The following HIPK1 variants were observed in gnomAD, a reference collection of about 807,000 sequenced individuals.
The protein encoded by HIPK1 is homeodomain-interacting protein kinase 1.
In HIPK1, 28 loss-of-function variants were observed where a neutral mutation model predicts 117.1. That is an observed-to-expected ratio of 0.24 (90% CI 0.18 to 0.33). The LOEUF (loss-of-function observed/expected upper bound fraction) is 0.33. HIPK1 is among the 10% of genes least tolerant of loss of function. The probability of loss-of-function intolerance (pLI) is 1.00; values close to 1 mark genes in which losing one functional copy is unlikely to be tolerated. For synonymous variants in HIPK1, 605 were observed against 562.5 expected (o/e 1.08, Z -1.07); for missense variants, 1,122 against 1,475.1 (o/e 0.76, Z 3.92).
At position 113,977,341 on chromosome 1, in the gene HIPK1, C is replaced by G. The variant is rs1673189975; in HGVS notation, c.*3829C>G. 6.6e-6 allele frequency: 1 copy of G among 152,604 alleles called. No individual in the cohort carries two copies. The highest frequency in any genetic ancestry group is 2.1e-4 in the South Asian group (1 of 4,830). The allele number at this position is 152,604 out of a possible 1,614,324, so 9.5% of individuals were successfully genotyped here. On this transcript the variant is annotated 3_prime_UTR_variant, in exon 16 of 16. Transcript: ENST00000426820. ...CAATTCAGCTTGAAAAATAATCTCA[C>G]TACATGTAGCAGTACATTATATGTA...
At chr1:113,934,126 G>A (rs1340541833) in intron 1 of HIPK1, among the ~76,000 whole-genome samples, 1 of 152,168 alleles carries the variant, frequency 6.6e-6, no homozygotes, top group Admixed American at 6.5e-5. Flanking sequence ...GCTGGAGCAA[G>A]AAATCAATAT....
chr1:113,958,562 G>C (rs1671880999), intron 8 of HIPK1, among the ~76,000 whole-genome samples: 2 of 152,144 alleles, frequency 1.3e-5, no homozygotes, highest in African/African-American at 4.8e-5. Flanking sequence ...GAGTCCTTGT[G>C]TCAATGTCGT....
intron 2 of HIPK1, among the ~76,000 whole-genome samples, chr1:113,952,201 A>C (rs1394048670): frequency 6.6e-6 from 1 of 151,868 alleles, no homozygotes; most frequent in Non-Finnish European, 1.5e-5. Flanking sequence ...GGCTTCCCAA[A>C]GTGCTGGGAT....
At chr1:113,959,013 G>C (rs551395563) in intron 8 of HIPK1, among the ~76,000 whole-genome samples, 24 of 152,118 alleles carry the variant, frequency 1.6e-4, no homozygotes, top group African/African-American at 5.8e-4. Context: ...AGTCTGTCCA[G>C]TTTCTTTTTT....
chr1:113,958,020 G>A (rs750115324), intron 7 of HIPK1, 46 bp from the exon 8 acceptor site: 2 of 1,315,406 alleles, frequency 1.5e-6, no homozygotes, highest in Non-Finnish European at 1.1e-6. Flanking sequence ...ATTATTGTGT[G>A]TCTCTACTTA....
At chr1:113,939,953 C>CTT (rs543460905) in intron 1 of HIPK1, among the ~76,000 whole-genome samples, 18 of 125,204 alleles carry the variant, frequency 1.4e-4, no homozygotes, top group South Asian at 1.0e-3. Context: ...ATCCTGGTTA[C>CTT]TTTTTTTTTT....
intron 8 of HIPK1, among the ~76,000 whole-genome samples, chr1:113,959,835 A>G (rs149376806): frequency 8.6e-4 from 131 of 152,310 alleles, no homozygotes; most frequent in African/African-American, 2.8e-3. Context: ...ATGTATTACT[A>G]TATGCCAGAT....
rs577699790 is a variant in HIPK1 at position 113,973,413 on chromosome 1, G to C, written c.3534G>C (p.Gln1178His). Residue 1178 changes from glutamine to histidine, a missense_variant, in exon 16 of 16, where the codon CAG (glutamine) becomes CAC (histidine). Physicochemically the swap from Gln to His is conservative, Grantham distance 24. This residue lies in a region of HIPK1 where 731 missense variants were observed against 860.4 expected (regional missense o/e 0.85). Transcript: ENST00000426820. ...TGGCCCCTGCTCAGTACCAACACCAGTTTGCCACCCAATCCTACATTGGGT... is the reference window on the plus strand; with the variant it reads ...TGGCCCCTGCTCAGTACCAACACCACTTTGCCACCCAATCCTACATTGGGT... ...ASVAPAQYQHQFATQSYIGSS... is the reference protein window; with the variant it reads ...ASVAPAQYQHHFATQSYIGSS... The C allele has an allele frequency of 1.9e-6, 3 of 1,614,106 alleles. No individual in the cohort carries two copies. Among genetic ancestry groups the C allele is most frequent in the Non-Finnish European group, 2.5e-6 (3 of 1,180,004 alleles).
In HIPK1 at chr1:113,942,026, G is replaced by A. The variant is rs149230767; in HGVS notation, c.1076+567G>A. Among the ~76,000 whole-genome samples, 25 of 151,774 alleles carry A rather than the reference G, an allele frequency of 1.6e-4. No individual in the cohort carries two copies. The East Asian group carries it at 3.5e-3, about 21-fold the overall frequency. On this transcript the variant is annotated intron_variant, in intron 2 of 15. Transcript: ENST00000426820. ...TCCACCCGTCTCGGCCTCCCAAAGCGCTGGGATTACAGGCGTGAGCCACCG... is the reference window on the plus strand; with the variant it reads ...TCCACCCGTCTCGGCCTCCCAAAGCACTGGGATTACAGGCGTGAGCCACCG...
rs145850224 is a variant in HIPK1 at position 113,948,313 on chromosome 1, G to A, written c.1077-4453G>A. ...GGGTCTCAGGCTGGAGTGCAGTGGC[G>A]CAATCATGGCTCACTGCAGCCTTGA... is the stretch of plus-strand genomic sequence containing the variant. On this transcript the variant is annotated intron_variant, in intron 2 of 15. Transcript: ENST00000426820. Among the ~76,000 whole-genome samples the A allele has an allele frequency of 2.8e-4, 43 of 152,158 alleles. No individual in the cohort carries two copies. In the East Asian group the frequency reaches 7.3e-3, roughly 26 times the overall value.
intron 2 of HIPK1, among the ~76,000 whole-genome samples, chr1:113,943,443 C>G (rs550932486): frequency 3.3e-5 from 5 of 152,318 alleles, no homozygotes; most frequent in African/African-American, 9.6e-5. Context: ...CTAATCCATG[C>G]TGTAACATGT....
chr1:113,944,006 C>T (rs1026537698), intron 2 of HIPK1, among the ~76,000 whole-genome samples: 9 of 151,718 alleles, frequency 5.9e-5, no homozygotes, highest in Non-Finnish European at 7.4e-5. Flanking sequence ...TTTTTTGTGG[C>T]GACAGTGTTT....
chr1:113,957,094 C>A (rs1330386449), intron 6 of HIPK1, 30 bp from the exon 7 acceptor site: 1 of 1,568,020 alleles, frequency 6.4e-7, no homozygotes, highest in South Asian at 1.1e-5. Flanking sequence ...TCTCAGCATT[C>A]ATTTAATGAA....
In HIPK1 at chr1:113,966,225, A is replaced by C. The variant is rs774369474; in HGVS notation, c.2334A>C (p.Ala778=). 5.3e-5 allele frequency: 85 copies of C among 1,613,950 alleles called. No individual in the cohort carries two copies. Among genetic ancestry groups the C allele is most frequent in the Admixed American group, 1.8e-4 (11 of 59,986 alleles). ...VALHNSVQPT[A]MIPEAMGSGQ... Reference sequence around the variant, plus strand: ...TACACAACTCTGTCCAGCCCACAGCAATGATTCCAGAGGCCATGGGGAGTG... The same window carrying C: ...TACACAACTCTGTCCAGCCCACAGCCATGATTCCAGAGGCCATGGGGAGTG... The change falls in exon 11 of 16, where the codon GCA becomes GCC. Residue 778 remains alanine (A), a synonymous_variant. Transcript: ENST00000426820.
intron 2 of HIPK1, among the ~76,000 whole-genome samples, chr1:113,948,485 T>C (rs1671132490): frequency 6.6e-6 from 1 of 152,096 alleles, no homozygotes; most frequent in Non-Finnish European, 1.5e-5. Flanking sequence ...AAACTCCTGC[T>C]CAAGTGATCC....
chr1:113,934,901 A>G (rs1459961990), intron 1 of HIPK1, among the ~76,000 whole-genome samples: 1 of 141,954 alleles, frequency 7.0e-6, no homozygotes, highest in Non-Finnish European at 1.5e-5. Context: ...GAAGCAGAGG[A>G]TTGCTTGAGC....
Position 113,976,679 on chromosome 1 carries a change from A to G in HIPK1, c.*3167A>G, listed in dbSNP as rs530805568. 12 of 152,902 alleles carry G rather than the reference A, an allele frequency of 7.8e-5. No homozygotes were observed. The highest frequency in any genetic ancestry group is 7.2e-4 in the Admixed American group (11 of 15,300). 9.5% of individuals were successfully genotyped at this position (152,902 alleles called of 1,614,324 possible). Reference sequence around the variant, plus strand: ...ATCCACCTGTGTCTGCTGAATGTGTATGTATGTGCTCACTGTGGCTTTAGA... The same window carrying G: ...ATCCACCTGTGTCTGCTGAATGTGTGTGTATGTGCTCACTGTGGCTTTAGA... On this transcript the variant is annotated 3_prime_UTR_variant, in exon 16 of 16. Transcript: ENST00000426820.
At chr1:113,937,768 C>T (rs929902798) in intron 1 of HIPK1, among the ~76,000 whole-genome samples, 1 of 152,018 alleles carries the variant, frequency 6.6e-6, no homozygotes, top group African/African-American at 2.4e-5. Flanking sequence ...GGGAGCGTTT[C>T]TGCATGTGAC....
intron 4 of HIPK1, 56 bp from the exon 5 acceptor site, chr1:113,955,507 A>T (rs1571696154): frequency 9.1e-7 from 1 of 1,099,532 alleles, no homozygotes; most frequent in Non-Finnish European, 1.4e-6. Flanking sequence ...GGTTTTGAAT[A>T]AAATGTGAAA....
Sources: allele counts gnomAD v4.1 joint callset (sites outside exome capture counted in the v4.1 genomes callset), GRCh38; gene constraint gnomAD v4.1.1; regional missense constraint gnomAD v4.1.1; transcripts MANE v1.5; gene names NCBI Gene and HGNC (gene_info 2026-07-23, HGNC 2026-07-21).